Variants in FGD4 observed in about 807,000 individuals in gnomAD.
FGD4 encodes FYVE, RhoGEF and PH domain-containing protein 4.
A neutral mutation model predicts 102.0 loss-of-function variants in FGD4; 42 were observed. The ratio of observed to expected loss-of-function variants is 0.41; its 90% confidence interval spans 0.32 to 0.53. FGD4 has a LOEUF of 0.53. Among genes scored for constraint, FGD4 ranks in the 20% least tolerant of loss-of-function variants. FGD4 has a pLI of 0.21. For synonymous variants in FGD4, 380 were observed against 375.7 expected (o/e 1.01, Z -0.13); for missense variants, 902 against 1,078.2 (o/e 0.84, Z 2.29).
chr12:32,610,149 TG>T (rs1949051222), intron 8 of FGD4, among the ~76,000 whole-genome samples: 2 of 152,220 alleles, frequency 1.3e-5, no homozygotes, highest in African/African-American at 4.8e-5. Context: ...TTAGAACTTT[TG>T]AGTCAGAAAC....
intron 1 of FGD4, among the ~76,000 whole-genome samples, chr12:32,533,997 T>A (rs895287004): frequency 1.3e-5 from 2 of 152,246 alleles, no homozygotes; most frequent in African/African-American, 4.8e-5. Context: ...TTGTGAATCA[T>A]GAATCTGTAA....
chr12:32,480,562 G>A (rs976007709), intron 1 of FGD4, among the ~76,000 whole-genome samples: 1 of 149,034 alleles, frequency 6.7e-6, no homozygotes, highest in Admixed American at 6.7e-5. Context: ...GTGCAGTGGC[G>A]CAATCTCAGC....
At chr12:32,627,816 G>T (rs922679897) in intron 14 of FGD4, among the ~76,000 whole-genome samples, 3 of 152,162 alleles carry the variant, frequency 2.0e-5, no homozygotes, top group Non-Finnish European at 2.9e-5. Context: ...ATGAATAAGA[G>T]AAGTCTCAAT....
chr12:32,496,652 A>G (rs929339421), intron 1 of FGD4, among the ~76,000 whole-genome samples: 16 of 152,384 alleles, frequency 1.0e-4, no homozygotes, highest in African/African-American at 3.8e-4. Context: ...TAATTAATAC[A>G]TAAACATAAA....
Position 32,475,086 on chromosome 12 carries a change from G to A in FGD4, c.166+75127G>A, listed in dbSNP as rs1220051703. Among the ~76,000 whole-genome samples, 5 of 152,152 alleles carry A rather than the reference G, an allele frequency of 3.3e-5. No individual in the cohort carries two copies. The East Asian group carries it at 5.8e-4, about 18-fold the overall frequency. Reference sequence around the variant, plus strand: ...GCATAGCATTTCTGACATTTAGCTCGATCTATATCCTTGTTGAGGAACTAG... The same window carrying A: ...GCATAGCATTTCTGACATTTAGCTCAATCTATATCCTTGTTGAGGAACTAG... On this transcript the variant is annotated intron_variant, in intron 1 of 16. Coordinates refer to ENST00000534526, the MANE Select transcript of FGD4 (RefSeq NM_001370298.3).
At chr12:32,458,116 C>T (rs1465141997) in intron 1 of FGD4, among the ~76,000 whole-genome samples, 1 of 151,112 alleles carries the variant, frequency 6.6e-6, no homozygotes, top group African/African-American at 2.4e-5. Flanking sequence ...CTCAAACAGC[C>T]AATTTTTTTT....
chr12:32,418,599 G>A (rs1180833017), intron 1 of FGD4, among the ~76,000 whole-genome samples: 1 of 152,126 alleles, frequency 6.6e-6, no homozygotes, highest in Admixed American at 6.6e-5. Flanking sequence ...CCTGGACCTT[G>A]GGGGGTGGGG....
chr12:32,484,882 CAAAAT>C (rs945306249), intron 1 of FGD4, among the ~76,000 whole-genome samples: 2 of 151,978 alleles, frequency 1.3e-5, no homozygotes, highest in Non-Finnish European at 2.9e-5. Flanking sequence ...AGAAAAAAAA[CAAAAT>C]AAAAATAAAA....
In FGD4 at chr12:32,642,831, A is replaced by C. The variant is rs1163554058; in HGVS notation, c.*2298A>C. 2 of 152,522 alleles carry C rather than the reference A, an allele frequency of 1.3e-5. No individual in the cohort carries two copies. Among genetic ancestry groups the C allele is most frequent in the Non-Finnish European group, 2.9e-5 (2 of 67,950 alleles). The allele number at this position is 152,522 out of a possible 1,614,324, so 9.4% of individuals were successfully genotyped here. A position where few individuals can be genotyped will look rare whatever the true frequency, so the allele number is the denominator to read the frequency against. ...TTATTAAAGAATCACTGATGTTTTT[A>C]CTCAATGAAAGGTAAAGTAATACCC... is the stretch of plus-strand genomic sequence containing the variant. On this transcript the variant is annotated 3_prime_UTR_variant, in exon 17 of 17. Coordinates refer to ENST00000534526, the MANE Select transcript of FGD4 (RefSeq NM_001370298.3).
intron 1 of FGD4, among the ~76,000 whole-genome samples, chr12:32,456,059 C>G (rs146086013): frequency 6.6e-6 from 1 of 152,148 alleles, no homozygotes; most frequent in Admixed American, 6.5e-5. Context: ...GCAAGCATTA[C>G]TGTCATTAAC....
intron 4 of FGD4, among the ~76,000 whole-genome samples, chr12:32,585,718 C>G (rs1483698731): frequency 6.6e-6 from 1 of 151,258 alleles, no homozygotes; most frequent in Non-Finnish European, 1.5e-5. Flanking sequence ...CCTGTAGTCC[C>G]AGCTACTCGG....
At chr12:32,610,604 T>A (rs1294518475) in intron 8 of FGD4, among the ~76,000 whole-genome samples, 172 bp from the exon 9 acceptor site, 2 of 152,222 alleles carry the variant, frequency 1.3e-5, no homozygotes, top group Non-Finnish European at 2.9e-5. Context: ...AAGTTTCAAG[T>A]AATCTGCTTA....
intron 2 of FGD4, among the ~76,000 whole-genome samples, chr12:32,564,618 T>TTAGAAAGAAATGATTTGC (rs1249174387): frequency 7.9e-5 from 12 of 152,224 alleles, no homozygotes; most frequent in African/African-American, 2.9e-4. Context: ...GGAGCTACTG[T>TTAGAAAGAAATGATTTGC]TAGAAAGAAA....
intron 1 of FGD4, among the ~76,000 whole-genome samples, chr12:32,412,440 G>A (rs1941244815): frequency 6.6e-6 from 1 of 152,286 alleles, no homozygotes. Flanking sequence ...AGGAGGCTGT[G>A]TTTTGGGGTG....
At position 32,632,525 on chromosome 12, in the gene FGD4, T is replaced by C. The variant is rs533469641; in HGVS notation, c.2173-1024T>C. ...CAGGGAGCATGGCCTTTGGGAACTA[T>C]AAGAAGCCAGTGTCACTGAAGACAG... On this transcript the variant is annotated intron_variant, in intron 14 of 16. Transcript: ENST00000534526. 2.6e-5 allele frequency among the ~76,000 whole-genome samples: 4 copies of C among 152,120 alleles called. No individual in the cohort carries two copies. The South Asian group carries it at 8.3e-4, about 32-fold the overall frequency.
rs66646521 is a variant in FGD4 at position 32,552,434 on chromosome 12, ATTTTTTT to A, written c.167-11684_167-11678del. Among the ~76,000 whole-genome samples the A allele has an allele frequency of 2.2e-3, 264 of 121,000 alleles. 1 individual carries two copies. The highest frequency in any genetic ancestry group is 5.0e-3 in the East Asian group (18 of 3,632). The allele number at this position is 121,000 out of a possible 152,430, so 79.4% of individuals were successfully genotyped here. ...GCCGCCATGCCCGACTAATTTTTGC[ATTTTTTT>A]TTTTTTTTTTTTTTTTTTGTAGTAG... On this transcript the variant is annotated intron_variant, in intron 1 of 16. Transcript: ENST00000534526.
intron 1 of FGD4, among the ~76,000 whole-genome samples, chr12:32,428,911 A>G (rs1222384993): frequency 6.6e-6 from 1 of 152,180 alleles, no homozygotes; most frequent in Non-Finnish European, 1.5e-5. Flanking sequence ...TAGTTATTCT[A>G]GTTAGCAATT....
chr12:32,480,318 T>C (rs11052023), intron 1 of FGD4, among the ~76,000 whole-genome samples: 30,891 of 151,618 alleles, frequency 0.2, 5,438 homozygotes, highest in African/African-American at 0.47. Flanking sequence ...CGTGCCACCA[T>C]GCCCAGCTAA....
chr12:32,408,554 C>T (rs1423413525), intron 1 of FGD4, among the ~76,000 whole-genome samples: 2 of 152,158 alleles, frequency 1.3e-5, no homozygotes, highest in African/African-American at 2.4e-5. Flanking sequence ...CCACCTGCCT[C>T]GACCTCACCA....
Sources: gnomAD v4.1 joint callset for allele counts (sites outside exome capture counted in the v4.1 genomes callset) on GRCh38, gnomAD v4.1.1 for gene constraint, MANE v1.5 for transcripts, NCBI Gene and HGNC (gene_info 2026-07-23, HGNC 2026-07-21) for gene names.